PCSK5: variants seen among roughly 807,000 people sequenced by gnomAD.
PCSK5 encodes proprotein convertase subtilisin/kexin type 5.
Under a neutral mutation model 233.2 loss-of-function variants are expected in PCSK5, and 129 were observed. The observed-to-expected ratio is 0.55, with a 90% CI of 0.48 to 0.64. The LOEUF (loss-of-function observed/expected upper bound fraction) is 0.64. Among genes scored for constraint, PCSK5 ranks in the 30% least tolerant of loss-of-function variants. The pLI is 0.00. For synonymous variants in PCSK5, 825 were observed against 879.2 expected, an observed-to-expected ratio of 0.94 and a Z score of 1.09; for missense variants, 2,076 against 2,430.1, an observed-to-expected ratio of 0.85 and a Z score of 3.06.
At chr9:75,935,999 A>G (rs1033289202) in intron 2 of PCSK5, among the ~76,000 whole-genome samples, 2 of 152,232 alleles carry the variant, frequency 1.3e-5, no homozygotes, top group East Asian at 1.9e-4. Context: ...TAAAGCAAAT[A>G]TTGTAATAAA....
At chr9:75,950,145 G>C (rs912129410) in intron 2 of PCSK5, among the ~76,000 whole-genome samples, 2 of 29,472 alleles carry the variant, frequency 6.8e-5, no homozygotes, top group African/African-American at 1.3e-4. Flanking sequence ...GTGTGTGTGT[G>C]GGGGGGGCGG....
intron 14 of PCSK5, among the ~76,000 whole-genome samples, chr9:76,178,192 A>G (rs1041828512): frequency 2.6e-5 from 4 of 152,214 alleles, no homozygotes; most frequent in Non-Finnish European, 5.9e-5. Context: ...ACGATGGCAG[A>G]TGGCTAAAAT....
chr9:76,058,343 G>C (rs1829901128), intron 5 of PCSK5, among the ~76,000 whole-genome samples: 1 of 152,080 alleles, frequency 6.6e-6, no homozygotes, highest in African/African-American at 2.4e-5. Context: ...GCGTAAACCA[G>C]AACCCCTGAG....
chr9:76,321,527 G>A lies in PCSK5; in HGVS notation c.3990G>A (p.Leu1330=). The A allele has an allele frequency of 6.2e-7, 1 of 1,612,160 alleles. No homozygotes were observed. The highest frequency in any genetic ancestry group is 1.7e-4 in the Middle Eastern group (1 of 6,058). The change falls in exon 31 of 38, where the codon CTG becomes CTA. Residue 1330 remains leucine, a synonymous_variant. Coordinates refer to ENST00000674117, the MANE Select transcript of PCSK5 (RefSeq NM_001372043.1). ...NCHSCEGGHV[L]HHGVCQENCP... is the part of the protein sequence containing the mutation. ...ATTCTTGTGAAGGAGGCCACGTCCT[G>A]CACCACGGAGTGTGCCAGGAAAACT...
chr9:76,308,033 C>T (rs1828755829), intron 28 of PCSK5, among the ~76,000 whole-genome samples: 1 of 151,946 alleles, frequency 6.6e-6, no homozygotes, highest in South Asian at 2.1e-4. Flanking sequence ...CCCGTCTCTA[C>T]TAAAAATACA....
intron 2 of PCSK5, among the ~76,000 whole-genome samples, chr9:75,960,028 C>T (rs1358116582): frequency 6.6e-6 from 1 of 152,198 alleles, no homozygotes; most frequent in African/African-American, 2.4e-5. Flanking sequence ...GATTCAAACT[C>T]ATGTGTCCAA....
At chr9:76,240,763 C>A in intron 24 of PCSK5, 79 bp downstream of exon 24, 1 of 977,140 alleles carries the variant, frequency 1.0e-6, no homozygotes, top group Non-Finnish European at 1.6e-6. Context: ...GTCATTGCCC[C>A]AGCAGGCACT....
intron 24 of PCSK5, among the ~76,000 whole-genome samples, chr9:76,256,244 G>T (rs1030416790): frequency 1.3e-5 from 2 of 152,190 alleles, no homozygotes; most frequent in African/African-American, 4.8e-5. Context: ...CATCATCTTG[G>T]CTCTTCATGC....
At chr9:76,146,251 G>A (rs1439332380) in intron 10 of PCSK5, among the ~76,000 whole-genome samples, 1 of 151,996 alleles carries the variant, frequency 6.6e-6, no homozygotes, top group Non-Finnish European at 1.5e-5. Context: ...ATCACTGCTG[G>A]ATGTTAACAA....
intron 3 of PCSK5, among the ~76,000 whole-genome samples, chr9:76,023,216 C>T (rs1372923205): frequency 2.6e-5 from 4 of 152,160 alleles, no homozygotes; most frequent in South Asian, 2.1e-4. Flanking sequence ...AAAAGACTTA[C>T]GGTATCAGAA....
rs1402387988 is a variant in PCSK5 at position 76,134,298 on chromosome 9, C to T, written c.1312+86C>T. The T allele has an allele frequency of 3.3e-5, 24 of 734,466 alleles. No homozygotes were observed. The South Asian group carries it at 3.9e-4, about 12-fold the overall frequency. The allele number at this position is 734,466 out of a possible 1,614,324, so 45.5% of individuals were successfully genotyped here. On this transcript the variant is annotated intron_variant, in intron 10 of 37. Coordinates refer to ENST00000674117, the MANE Select transcript of PCSK5 (RefSeq NM_001372043.1). ...ATGGAGAGCAGGAAACAGAACCCCT[C>T]AAACGAAACTTTAAACTTTGTGCTG...
Position 76,232,692 on chromosome 9 carries a change from G to C in PCSK5, c.2730-768G>C, listed in dbSNP as rs1587786616. On this transcript the variant is annotated intron_variant, in intron 21 of 37. Coordinates refer to ENST00000674117, the MANE Select transcript of PCSK5 (RefSeq NM_001372043.1). ...AGAATACTTGGATACAATTTACTTA[G>C]TCACATTTGCTCTTACGATTAGTTT... 2.0e-5 allele frequency among the ~76,000 whole-genome samples: 3 copies of C among 152,316 alleles called. No individual in the cohort carries two copies. In the South Asian group the frequency reaches 6.2e-4, roughly 32 times the overall value.
chr9:76,250,139 T>C (rs1247341356), intron 24 of PCSK5, among the ~76,000 whole-genome samples: 1 of 152,088 alleles, frequency 6.6e-6, no homozygotes, highest in African/African-American at 2.4e-5. Context: ...ACCCTGTCTC[T>C]AAAAATACAA....
intron 1 of PCSK5, among the ~76,000 whole-genome samples, chr9:75,897,521 T>A (rs2131189571): frequency 7.3e-6 from 1 of 136,392 alleles, no homozygotes; most frequent in Non-Finnish European, 1.5e-5. Flanking sequence ...CGAAACGGAG[T>A]CTTGCTTTTT....
intron 1 of PCSK5, among the ~76,000 whole-genome samples, chr9:75,908,028 GAACA>G (rs1050839954): frequency 1.1e-4 from 16 of 152,332 alleles, no homozygotes; most frequent in African/African-American, 3.8e-4. Flanking sequence ...GCAGACTCTA[GAACA>G]AACAGTCATA....
intron 2 of PCSK5, among the ~76,000 whole-genome samples, chr9:75,949,204 C>G (rs1824729822): frequency 6.6e-6 from 1 of 151,220 alleles, no homozygotes; most frequent in South Asian, 2.1e-4. Context: ...AACTCAGCAT[C>G]CTTTGTTATT....
At chr9:75,908,919 CTATCTCTCTA>C (rs1292551765) in intron 1 of PCSK5, among the ~76,000 whole-genome samples, 41 of 125,996 alleles carry the variant, frequency 3.3e-4, no homozygotes, top group Admixed American at 1.0e-3. Context: ...ATCTATCTAT[CTATCTCTCTA>C]TCTCTCTCTC....
At chr9:76,256,401 C>A (rs1826982275) in intron 24 of PCSK5, among the ~76,000 whole-genome samples, 1 of 152,180 alleles carries the variant, frequency 6.6e-6, no homozygotes, top group East Asian at 1.9e-4. Flanking sequence ...CCAAAACAAA[C>A]CTCGTTAAAC....
chr9:76,090,032 T>G (rs1338684133), intron 7 of PCSK5, among the ~76,000 whole-genome samples: 1 of 152,248 alleles, frequency 6.6e-6, no homozygotes, highest in Non-Finnish European at 1.5e-5. Context: ...TATTTTGCCT[T>G]AAGTTAACTA....
Sources: gnomAD v4.1 joint callset for allele counts (sites outside exome capture counted in the v4.1 genomes callset) on GRCh38, gnomAD v4.1.1 for gene constraint, MANE v1.5 for transcripts, NCBI Gene and HGNC (gene_info 2026-07-23, HGNC 2026-07-21) for gene names.